The following AUTS2 variants were observed in gnomAD, a reference collection of about 807,000 sequenced individuals.
AUTS2 encodes autism susceptibility gene 2 protein.
AUTS2 carries 17 observed loss-of-function variants against 112.4 expected under a neutral mutation model. The observed-to-expected ratio is 0.15, with a 90% CI of 0.10 to 0.23. The LOEUF is 0.23. Ranked by LOEUF, AUTS2 falls within the 10% of genes least tolerant of loss-of-function variation. The probability of loss-of-function intolerance (pLI) is 1.00; values close to 1 mark genes in which losing one functional copy is unlikely to be tolerated. For missense variants in AUTS2, 1,510 were observed against 1,701.6 expected, an observed-to-expected ratio of 0.89 and a Z score of 1.98; for synonymous variants, 751 against 702.7, an observed-to-expected ratio of 1.07 and a Z score of -1.09.
intron 2 of AUTS2, among the ~76,000 whole-genome samples, chr7:70,025,630 AT>A (rs1183631484): frequency 6.6e-6 from 1 of 150,982 alleles, no homozygotes; most frequent in Non-Finnish European, 1.5e-5. Flanking sequence ...TTTGTTTTGT[AT>A]TTTTAGTAGG....
intron 1 of AUTS2, among the ~76,000 whole-genome samples, chr7:69,750,453 G>A (rs1787687497): frequency 1.3e-5 from 2 of 148,660 alleles, no homozygotes; most frequent in South Asian, 4.2e-4. Flanking sequence ...ATTATTATTT[G>A]TATATAACAA....
At chr7:70,527,755 G>C (rs923775293) in intron 5 of AUTS2, among the ~76,000 whole-genome samples, 14 of 152,262 alleles carry the variant, frequency 9.2e-5, no homozygotes, top group Admixed American at 4.6e-4. Flanking sequence ...GAATTCACTG[G>C]GGGGGAAGTG....
intron 4 of AUTS2, among the ~76,000 whole-genome samples, chr7:70,376,448 G>A (rs1156234199): frequency 6.6e-6 from 1 of 151,940 alleles, no homozygotes; most frequent in Admixed American, 6.6e-5. Context: ...AATGGACTGT[G>A]GGTGAGATGT....
chr7:69,651,047 C>A (rs534568939), intron 1 of AUTS2, among the ~76,000 whole-genome samples: 3 of 152,256 alleles, frequency 2.0e-5, no homozygotes, highest in Admixed American at 2.0e-4. Flanking sequence ...TAACCTGAAT[C>A]TTTTCTTAAA....
At position 70,494,949 on chromosome 7, in the gene AUTS2, A is replaced by G. The variant is rs527962520; in HGVS notation, c.690+59168A>G. On this transcript the variant is annotated intron_variant, in intron 5 of 18. Coordinates refer to ENST00000342771, the MANE Select transcript of AUTS2 (RefSeq NM_015570.4). ...GGAGAGATTATGTTGGCCTGTTTCCATGGTGACACTGAAGAAAAGTAATTT... is the reference window on the plus strand; with the variant it reads ...GGAGAGATTATGTTGGCCTGTTTCCGTGGTGACACTGAAGAAAAGTAATTT... Among the ~76,000 whole-genome samples, 4 of 152,254 alleles carry G rather than the reference A, an allele frequency of 2.6e-5. No individual in the cohort carries two copies. The South Asian group carries it at 8.3e-4, about 32-fold the overall frequency.
intron 4 of AUTS2, among the ~76,000 whole-genome samples, chr7:70,257,980 G>A (rs1163249086): frequency 6.6e-6 from 1 of 152,190 alleles, no homozygotes; most frequent in Non-Finnish European, 1.5e-5. Flanking sequence ...GGACAATGTG[G>A]CACAGTTGTG....
intron 5 of AUTS2, among the ~76,000 whole-genome samples, chr7:70,565,830 G>T (rs537040456): frequency 1.3e-4 from 20 of 152,144 alleles, no homozygotes; most frequent in Non-Finnish European, 2.2e-4. Flanking sequence ...ACAGAGCTTT[G>T]TGCTCATGGA....
chr7:70,183,833 C>CTTTTTTTTTTTTTTTTTTT (rs60689973), intron 4 of AUTS2, among the ~76,000 whole-genome samples: 1 of 137,956 alleles, frequency 7.2e-6, no homozygotes. Flanking sequence ...CTGTCTTTTT[C>CTTTTTTTTTTTTTTTTTTT]TTTTTTTTTT....
chr7:69,799,333 G>C (rs926080505), intron 1 of AUTS2, among the ~76,000 whole-genome samples: 1 of 152,072 alleles, frequency 6.6e-6, no homozygotes, highest in African/African-American at 2.4e-5. Flanking sequence ...GGGGTCTGTT[G>C]CCCAGGCTGG....
intron 5 of AUTS2, among the ~76,000 whole-genome samples, chr7:70,600,349 T>G (rs1300977527): frequency 1.3e-5 from 2 of 152,070 alleles, no homozygotes; most frequent in Non-Finnish European, 2.9e-5. Flanking sequence ...CATCTTGGCT[T>G]ACTGCAACCT....
In AUTS2 at chr7:70,680,663, G is replaced by A. The variant is rs570976875; in HGVS notation, c.691-17906G>A. On this transcript the variant is annotated intron_variant, in intron 5 of 18. Coordinates refer to ENST00000342771, the MANE Select transcript of AUTS2 (RefSeq NM_015570.4). Reference sequence around the variant, plus strand: ...TAACAGAAAGAAAATCCATCACCACGAGTGCTGATGGAAAAACAACTGGGA... The same window carrying A: ...TAACAGAAAGAAAATCCATCACCACAAGTGCTGATGGAAAAACAACTGGGA... 5.3e-5 allele frequency among the ~76,000 whole-genome samples: 8 copies of A among 152,266 alleles called. No homozygotes were observed. In the South Asian group the frequency reaches 6.2e-4, roughly 12 times the overall value.
intron 4 of AUTS2, among the ~76,000 whole-genome samples, chr7:70,245,957 G>C (rs1457614237): frequency 6.6e-6 from 1 of 152,098 alleles, no homozygotes; most frequent in Non-Finnish European, 1.5e-5. Flanking sequence ...GTGTTCAACA[G>C]CCTCATTGTG....
intron 4 of AUTS2, among the ~76,000 whole-genome samples, chr7:70,346,106 A>G (rs939763218): frequency 6.6e-6 from 1 of 152,124 alleles, no homozygotes; most frequent in African/African-American, 2.4e-5. Context: ...TTTTCCAAAA[A>G]CTATTTATTA....
rs146430353 is a variant in AUTS2, at chr7:69,702,181, T to C, written c.309+102219T>C. Among the ~76,000 whole-genome samples the C allele has an allele frequency of 1.3e-3, 199 of 152,284 alleles. 2 individuals carry two copies. The highest frequency in any genetic ancestry group is 4.6e-3 in the African/African-American group (190 of 41,558). ...CATGTGTGGTCTTCTGGGGATTGAT[T>C]AGTTGCTGGTAAGGAAGGAGCTCAT... On this transcript the variant is annotated intron_variant, in intron 1 of 18. Transcript: ENST00000342771.
intron 2 of AUTS2, among the ~76,000 whole-genome samples, chr7:69,913,289 C>T (rs1175799561): frequency 1.3e-5 from 2 of 152,120 alleles, no homozygotes; most frequent in Admixed American, 1.3e-4. Flanking sequence ...TTGTTTATAA[C>T]AAGGGTCACC....
At chr7:70,593,228 T>G (rs958742863) in intron 5 of AUTS2, among the ~76,000 whole-genome samples, 1 of 152,192 alleles carries the variant, frequency 6.6e-6, no homozygotes, top group Non-Finnish European at 1.5e-5. Context: ...AGTACCTACC[T>G]CATGGGGCTG....
intron 2 of AUTS2, among the ~76,000 whole-genome samples, chr7:69,971,377 C>G (rs1797843730): frequency 6.6e-6 from 1 of 152,088 alleles, no homozygotes; most frequent in Admixed American, 6.5e-5. Context: ...TTCAGTTAAA[C>G]TTCTTATTTT....
At chr7:69,777,369 G>T (rs891079885) in intron 1 of AUTS2, among the ~76,000 whole-genome samples, 1 of 152,126 alleles carries the variant, frequency 6.6e-6, no homozygotes, top group African/African-American at 2.4e-5. Context: ...TATTACTTAA[G>T]TGTCTTCTAA....
At chr7:69,706,192 C>T (rs1195275541) in intron 1 of AUTS2, among the ~76,000 whole-genome samples, 1 of 152,114 alleles carries the variant, frequency 6.6e-6, no homozygotes, top group Non-Finnish European at 1.5e-5. Flanking sequence ...GGGTGCAGTT[C>T]AGGAGGTGTA....
Sources: allele counts gnomAD v4.1 joint callset (sites outside exome capture counted in the v4.1 genomes callset), GRCh38; gene constraint gnomAD v4.1.1; transcripts MANE v1.5; gene names NCBI Gene and HGNC (gene_info 2026-07-23, HGNC 2026-07-21).